Variants in ZFAT observed in about 807,000 individuals in gnomAD.
ZFAT encodes the protein zinc finger protein ZFAT.
In ZFAT, 64 loss-of-function variants were observed where a neutral mutation model predicts 117.7. The ratio of observed to expected loss-of-function variants is 0.54; its 90% CI spans 0.44 to 0.67. ZFAT has a LOEUF of 0.67. ZFAT is among the 30% of genes least tolerant of loss of function. ZFAT has a pLI of 0.00. For missense variants in ZFAT, 1,433 were observed against 1,584.5 expected (o/e 0.90, Z 1.62); for synonymous variants, 679 against 615.0 (o/e 1.10, Z -1.54).
the ZFAT span, among the ~76,000 whole-genome samples, chr8:134,773,985 T>TTTG: frequency 1.1e-3 from 18 of 16,852 alleles, no homozygotes; most frequent in African/African-American, 3.2e-3. Flanking sequence ...TGAGGATTAA[T>TTTG]TTTTTTTTTT....
the ZFAT span, among the ~76,000 whole-genome samples, chr8:134,730,836 G>A: frequency 2.6e-5 from 4 of 152,226 alleles, no homozygotes; most frequent in African/African-American, 9.6e-5. Context: ...AAAGAAGCTA[G>A]AAATATTCTG....
chr8:134,677,120 C>T (rs1463555126), intron 1 of ZFAT, among the ~76,000 whole-genome samples: 4 of 140,232 alleles, frequency 2.9e-5, no homozygotes, highest in East Asian at 2.2e-4. Context: ...GATAGAGATA[C>T]GAAAAACCCT....
chr8:134,486,643 G>C (rs62523695), intron 15 of ZFAT, among the ~76,000 whole-genome samples: 2,295 of 152,220 alleles, frequency 0.015, 21 homozygotes, highest in Non-Finnish European at 0.022. Context: ...AGAACCTGCT[G>C]GGAGGCAGCC....
In ZFAT at chr8:134,712,948, C is replaced by G; in HGVS notation, c.-85G>C. On this transcript the variant is annotated 5_prime_UTR_variant, in exon 1 of 16. Transcript: ENST00000377838. ...CCGACCGAGGGGGCGGGGCGCCCTG[C>G]TGACGCTTCGCTTTTTATTTTTATT... 1 of 1,389,780 alleles carries G rather than the reference C, an allele frequency of 7.2e-7. No individual in the cohort carries two copies. The highest frequency in any genetic ancestry group is 1.4e-5 in the South Asian group (1 of 70,262). 86.1% of individuals were successfully genotyped at this position (1,389,780 alleles called of 1,614,324 possible).
chr8:134,512,519 G>C lies in ZFAT; in HGVS notation c.3317C>G (p.Ala1106Gly). Residue 1106 changes from alanine to glycine, a missense_variant, in exon 14 of 16, where the codon GCA becomes GGA. Transcript: ENST00000377838. Reference sequence around the variant, plus strand: ...CAGGTCCTGGAGCGCGGCCACCGCTGCCTGTGTCCCTTGAACGTCTTCTTC... The same window carrying C: ...CAGGTCCTGGAGCGCGGCCACCGCTCCCTGTGTCCCTTGAACGTCTTCTTC... ...EAEEDVQGTQ[A>G]AVAALQDLRY... The C allele has an allele frequency of 6.2e-7, 1 of 1,613,998 alleles. No homozygotes were observed. Among genetic ancestry groups the C allele is most frequent in the Non-Finnish European group, 8.5e-7 (1 of 1,179,886 alleles).
chr8:134,685,765 C>T (rs1277309551), intron 1 of ZFAT, among the ~76,000 whole-genome samples: 1 of 152,210 alleles, frequency 6.6e-6, no homozygotes, highest in Non-Finnish European at 1.5e-5. Context: ...TAACATCACC[C>T]TCCAGTGGCC....
chr8:134,659,308 C>T (rs895934986), intron 1 of ZFAT, among the ~76,000 whole-genome samples: 1 of 152,184 alleles, frequency 6.6e-6, no homozygotes, highest in African/African-American at 2.4e-5. Flanking sequence ...CCCCACCTCG[C>T]TCCTGCTGGT....
the ZFAT span, among the ~76,000 whole-genome samples, chr8:134,775,104 A>G: frequency 1.4e-4 from 21 of 152,144 alleles, no homozygotes; most frequent in African/African-American, 4.8e-4. Context: ...GGTGACAGAG[A>G]GAGACTCCAT....
intron 15 of ZFAT, among the ~76,000 whole-genome samples, chr8:134,507,397 A>G (rs1367196616): frequency 6.6e-6 from 1 of 152,098 alleles, no homozygotes. Flanking sequence ...GTCATTTATC[A>G]ACAGCCACCG....
the ZFAT span, among the ~76,000 whole-genome samples, chr8:134,775,440 G>T: frequency 6.6e-6 from 1 of 152,190 alleles, no homozygotes; most frequent in East Asian, 1.9e-4. Context: ...TTGATGGCTG[G>T]TTTATTTCTG....
chr8:134,627,544 G>A (rs939529987), intron 3 of ZFAT, among the ~76,000 whole-genome samples: 5 of 152,180 alleles, frequency 3.3e-5, no homozygotes, highest in African/African-American at 9.7e-5. Context: ...AAATGCATGG[G>A]AGCAAGTATA....
intron 1 of ZFAT, among the ~76,000 whole-genome samples, chr8:134,668,649 G>T (rs528419606): frequency 1.3e-5 from 2 of 152,284 alleles, no homozygotes; most frequent in East Asian, 3.9e-4. Flanking sequence ...CACAAAGATG[G>T]GGAAAAAACA....
intron 1 of ZFAT, among the ~76,000 whole-genome samples, chr8:134,711,662 T>TA (rs1398995965): frequency 1.3e-5 from 2 of 152,190 alleles, no homozygotes; most frequent in Non-Finnish European, 2.9e-5. Context: ...GCACGCCTGA[T>TA]ATAGTTCGGG....
the ZFAT span, among the ~76,000 whole-genome samples, chr8:134,749,589 T>C: frequency 6.6e-6 from 1 of 152,160 alleles, no homozygotes; most frequent in Non-Finnish European, 1.5e-5. Flanking sequence ...GGCTCCAACA[T>C]ATGAATTTTG....
the ZFAT span, among the ~76,000 whole-genome samples, chr8:134,821,955 A>G: frequency 0.12 from 17,577 of 152,198 alleles, 1,265 homozygotes; most frequent in East Asian, 0.24. Context: ...GGTCTAATAA[A>G]CATGGAAATG....
intron 1 of ZFAT, among the ~76,000 whole-genome samples, chr8:134,675,945 C>T (rs1206199868): frequency 2.0e-5 from 3 of 152,078 alleles, no homozygotes; most frequent in Non-Finnish European, 4.4e-5. Context: ...CTGAAGGAAG[C>T]ACTAAACATA....
At chr8:134,705,654 G>A (rs1450462564) in intron 1 of ZFAT, among the ~76,000 whole-genome samples, 5 of 151,498 alleles carry the variant, frequency 3.3e-5, no homozygotes, top group Non-Finnish European at 1.5e-5. Context: ...TCAGCCTCCT[G>A]AATAGCTGGG....
intron 11 of ZFAT, among the ~76,000 whole-genome samples, chr8:134,545,753 G>A (rs2130661166): frequency 6.6e-6 from 1 of 152,264 alleles, no homozygotes; most frequent in African/African-American, 2.4e-5. Context: ...GAGAAAGGGT[G>A]GGCTCAGGAA....
intron 15 of ZFAT, among the ~76,000 whole-genome samples, chr8:134,490,700 T>C (rs1817989963): frequency 6.6e-6 from 1 of 152,216 alleles, no homozygotes; most frequent in South Asian, 2.1e-4. Flanking sequence ...TCAGGCTGGA[T>C]TCTTCCTCAG....
Sources: allele counts gnomAD v4.1 joint callset (sites outside exome capture counted in the v4.1 genomes callset), GRCh38; gene constraint gnomAD v4.1.1; transcripts MANE v1.5; gene names NCBI Gene and HGNC (gene_info 2026-07-23, HGNC 2026-07-21).